Variants in KCTD15 observed in about 807,000 individuals in gnomAD.
The protein encoded by KCTD15 is BTB/POZ domain-containing protein KCTD15.
KCTD15 carries 11 observed loss-of-function variants against 27.2 expected under a neutral mutation model. The ratio of observed to expected loss-of-function variants is 0.41; its 90% CI spans 0.25 to 0.67. The LOEUF (loss-of-function observed/expected upper bound fraction) is 0.67. KCTD15 is among the 30% of genes least tolerant of loss of function. The pLI, the probability that KCTD15 is intolerant of heterozygous loss-of-function variation, is 0.35. For missense variants in KCTD15, 350 were observed against 409.3 expected, an observed-to-expected ratio of 0.86 and a Z score of 1.25; for synonymous variants, 163 against 176.0, an observed-to-expected ratio of 0.93 and a Z score of 0.58.
intron 5 of KCTD15, among the ~76,000 whole-genome samples, chr19:33,809,033 T>C (rs1975801094): frequency 6.6e-6 from 1 of 151,874 alleles, no homozygotes; most frequent in Admixed American, 6.6e-5. Flanking sequence ...TTCTAGCGCT[T>C]TGGGAGGCCG....
Position 33,812,282 on chromosome 19 carries a change from C to G in KCTD15, c.694-508C>G, listed in dbSNP as rs929613403. The G allele has an allele frequency of 1.4e-5, 14 of 1,017,802 alleles. No individual in the cohort carries two copies. The South Asian group carries it at 4.1e-4, about 30-fold the overall frequency. The allele number at this position is 1,017,802 out of a possible 1,614,324, so 63.0% of individuals were successfully genotyped here. On this transcript the variant is annotated intron_variant, in intron 6 of 6. Transcript: ENST00000683859. The stretch of plus-strand genomic sequence containing the variant: ...GACTCAAATATTGAGAGGACTTCTC[C>G]TTTTTCTCTCCCTCCAGAGCTCCCA...
rs2145493398 is a variant in KCTD15, at chr19:33,811,341, G to A, written c.482G>A (p.Arg161His). ...TGGCAGCAGGAGCAGGAGCAGCGGC[G>A]CCGCAGCCGGGCCTGTGACTGCCTG... ...ERWQQEQEQR[R>H]RSRACDCLVV... The change falls in exon 6 of 7, where the codon CGC becomes CAC. Residue 161 changes from arginine to histidine, a missense_variant. Physicochemically the swap from Arg to His is conservative, Grantham distance 29. Coordinates refer to ENST00000683859, the MANE Select transcript of KCTD15 (RefSeq NM_001129994.2). The A allele has an allele frequency of 1.3e-6, 2 of 1,560,124 alleles. No homozygotes were observed.
At chr19:33,811,192 C>CAG in intron 5 of KCTD15, 55 bp from the exon 6 acceptor site, 16 of 406,288 alleles carry the variant, frequency 3.9e-5, no homozygotes, top group Non-Finnish European at 4.8e-5. Context: ...TCTCCCCCTT[C>CAG]CCCCACCACC....
At chr19:33,802,418 C>T (rs533904011) in intron 4 of KCTD15, among the ~76,000 whole-genome samples, 1 of 152,192 alleles carries the variant, frequency 6.6e-6, no homozygotes, top group Admixed American at 6.5e-5. Flanking sequence ...GATGGTAGTG[C>T]GCAGAGGTGG....
chr19:33,811,178 C>A, intron 5 of KCTD15, 69 bp from the exon 6 acceptor site: 47 of 590,218 alleles, frequency 8.0e-5, no homozygotes, highest in Middle Eastern at 1.1e-3. Flanking sequence ...CAGGCCGCCT[C>A]CCCTCTCCCC....
Position 33,813,067 on chromosome 19 carries a change from C to T in KCTD15, c.*119C>T. 1 of 1,093,832 alleles carries T rather than the reference C, an allele frequency of 9.1e-7. No homozygotes were observed. Among genetic ancestry groups the T allele is most frequent in the Non-Finnish European group, 1.3e-6 (1 of 756,420 alleles). The allele number at this position is 1,093,832 out of a possible 1,614,324, so 67.8% of individuals were successfully genotyped here. On this transcript the variant is annotated 3_prime_UTR_variant, in exon 7 of 7. Transcript: ENST00000683859. ...GAGGGTGAGGCTGGAGGGTCCAAAG[C>T]TGGCCCAGCGAGCACCAGGGTCCCA...
At position 33,813,270 on chromosome 19, in the gene KCTD15, G is replaced by A. The variant is rs752407637; in HGVS notation, c.*322G>A. The A allele has an allele frequency of 2.8e-5, 17 of 596,588 alleles. No individual in the cohort carries two copies. Among genetic ancestry groups the A allele is most frequent in the Admixed American group, 6.5e-5 (3 of 46,324 alleles). 37.0% of individuals were successfully genotyped at this position (596,588 alleles called of 1,614,324 possible). On this transcript the variant is annotated 3_prime_UTR_variant, in exon 7 of 7. Coordinates refer to ENST00000683859, the MANE Select transcript of KCTD15 (RefSeq NM_001129994.2). ...CTGTTGGGGCGGGGTTGGAAGAGCC[G>A]TCTGCAGCTACTTCAGAGGAGCTGT...
chr19:33,801,038 G>A, intron 3 of KCTD15, 129 bp from the exon 4 acceptor site: 1 of 819,492 alleles, frequency 1.2e-6, no homozygotes, highest in Admixed American at 2.7e-5. Flanking sequence ...ATATGATCAG[G>A]CACGGGCAGA....
At chr19:33,795,094 A>G (rs1346756952), upstream of KCTD15, among the ~76,000 whole-genome samples, 1 of 152,224 alleles carries the variant, frequency 6.6e-6, no homozygotes. Flanking sequence ...AAGGAAATTA[A>G]CTGATGGGGC....
In KCTD15 at chr19:33,814,724, A is replaced by G. The variant is rs1022498492; in HGVS notation, c.*1776A>G. ...CAGAACGAGATCTCAGTATGCCTCC[A>G]TGTAAACAGATTCACATAGGCCTCC... is the stretch of plus-strand genomic sequence containing the variant. On this transcript the variant is annotated 3_prime_UTR_variant, in exon 7 of 7. Transcript: ENST00000683859. 3.3e-5 allele frequency: 5 copies of G among 152,354 alleles called. No individual in the cohort carries two copies. In the East Asian group the frequency reaches 9.6e-4, roughly 29 times the overall value. 9.4% of individuals were successfully genotyped at this position (152,354 alleles called of 1,614,324 possible). A position where few individuals can be genotyped will look rare whatever the true frequency, so the allele number is the denominator to read the frequency against.
At chr19:33,804,395 C>T (rs1838762684) in intron 4 of KCTD15, among the ~76,000 whole-genome samples, 1 of 152,212 alleles carries the variant, frequency 6.6e-6, no homozygotes, top group Admixed American at 6.5e-5. Flanking sequence ...ACAGGACCAG[C>T]TAGAGCCTCA....
At chr19:33,794,564 T>C (rs1230561308), upstream of KCTD15, among the ~76,000 whole-genome samples, 2 of 152,156 alleles carry the variant, frequency 1.3e-5, no homozygotes, top group Non-Finnish European at 2.9e-5. Flanking sequence ...AAGCGGATTT[T>C]CAGTGAGTCC....
Position 33,812,841 on chromosome 19 carries a change from G to A in KCTD15, c.745G>A (p.Gly249Ser), listed in dbSNP as rs1400778282. The A allele has an allele frequency of 1.5e-5, 23 of 1,531,564 alleles. No homozygotes were observed. The highest frequency in any genetic ancestry group is 5.5e-5 in the African/African-American group (4 of 72,482). The allele number at this position is 1,531,564 out of a possible 1,614,324, so 94.9% of individuals were successfully genotyped here. ...TTTCAGCGTGGCTGCGTCCTGTGGG[G>A]GCGGTGTGGACTCCTCCCAGTTCAG... ...RGFSVAASCG[G>S]GVDSSQFSEY... Residue 249 changes from glycine to serine, a missense_variant, in exon 7 of 7, where the codon GGC becomes AGC. Transcript: ENST00000683859.
Position 33,811,302 on chromosome 19 carries a change from GC to G in KCTD15, c.444del (p.Glu149SerfsTer277), listed in dbSNP as rs1568382844. ...TACTATCAGCTCCAGCCCATGGTGC[GC>G]GAGCTGGAGCGCTGGCAGCAGGAGC... ...ARYYQLQPMV[R>X]ELERWQQEQE... is the part of the protein sequence containing the mutation. On this transcript the variant is annotated frameshift_variant, in exon 6 of 7. Coordinates refer to ENST00000683859, the MANE Select transcript of KCTD15 (RefSeq NM_001129994.2). LOFTEE classifies it high-confidence loss of function. 1 of 1,547,826 alleles carries G rather than the reference GC, an allele frequency of 6.5e-7. No homozygotes were observed. The highest frequency in any genetic ancestry group is 8.7e-7 in the Non-Finnish European group (1 of 1,145,944).
intron 4 of KCTD15, chr19:33,801,549 G>A: frequency 2.2e-6 from 1 of 457,474 alleles, no homozygotes; most frequent in South Asian, 5.0e-5. Context: ...TTGTGACCCT[G>A]ACTTGGCGGC....
chr19:33,803,551 G>T (rs185951004), intron 4 of KCTD15, among the ~76,000 whole-genome samples: 1 of 152,194 alleles, frequency 6.6e-6, no homozygotes, highest in Middle Eastern at 3.4e-3. Context: ...GGGTCTCGGC[G>T]GTTGGGGTGG....
In KCTD15 at chr19:33,801,354, C is replaced by T. The variant is rs1334864901; in HGVS notation, c.242+12C>T. ...TACCCTGACTCCAGGTAAGAGTAAGCCCCTTGAAACATCAGGCATGTGTGG... is the reference window on the plus strand; with the variant it reads ...TACCCTGACTCCAGGTAAGAGTAAGTCCCTTGAAACATCAGGCATGTGTGG... On this transcript the variant is annotated intron_variant, in intron 4 of 6. Coordinates refer to ENST00000683859, the MANE Select transcript of KCTD15 (RefSeq NM_001129994.2). 1.3e-6 allele frequency: 2 copies of T among 1,597,036 alleles called. No homozygotes were observed. The highest frequency in any genetic ancestry group is 1.3e-5 in the African/African-American group (1 of 74,642).
chr19:33,810,405 G>C (rs568049776), intron 5 of KCTD15, among the ~76,000 whole-genome samples: 68 of 152,312 alleles, frequency 4.5e-4, no homozygotes, highest in African/African-American at 1.6e-3. Flanking sequence ...TATACATAAG[G>C]GAACTGAGGC....
At chr19:33,796,278 GGGGGGCTGGGCCGCGGAGGGCGCT>G (rs1253918182), upstream of KCTD15, 1 of 150,366 alleles carries the variant, frequency 6.7e-6, no homozygotes, top group Non-Finnish European at 1.5e-5. Flanking sequence ...GGCGGGGGGC[GGGGGGCTGGGCCGCGGAGGGCGCT>G]GGGGCCTGGG....
Sources: allele counts gnomAD v4.1 joint callset (sites outside exome capture counted in the v4.1 genomes callset), GRCh38; gene constraint gnomAD v4.1.1; transcripts MANE v1.5; gene names NCBI Gene and HGNC (gene_info 2026-07-23, HGNC 2026-07-21).